The following DPP8 variants were observed in gnomAD, a reference collection of about 807,000 sequenced individuals.
DPP8 encodes the protein dipeptidyl peptidase 8.
DPP8 carries 31 observed loss-of-function variants against 107.5 expected under a neutral mutation model. The observed-to-expected ratio is 0.29, with a 90% CI of 0.22 to 0.39. The LOEUF is 0.39. DPP8 is among the 10% of genes least tolerant of loss of function. The pLI is 1.00. For synonymous variants in DPP8, 381 were observed against 356.6 expected (o/e 1.07, Z -0.77); for missense variants, 842 against 1,076.1 (o/e 0.78, Z 3.04).
chr15:65,463,667 T>C (rs1356939658), intron 15 of DPP8, 94 bp downstream of exon 15: 2 of 1,118,642 alleles, frequency 1.8e-6, no homozygotes, highest in Non-Finnish European at 2.5e-6. Flanking sequence ...CCAACAATGC[T>C]CAAAATCTTA....
chr15:65,497,223 T>C (rs1364560370), intron 5 of DPP8, among the ~76,000 whole-genome samples: 10 of 151,864 alleles, frequency 6.6e-5, no homozygotes, highest in Admixed American at 6.6e-4. Context: ...TAATTGGTTT[T>C]TCTATCTGTT....
At chr15:65,508,159 G>C (rs1375532182) in intron 2 of DPP8, among the ~76,000 whole-genome samples, 4 of 151,994 alleles carry the variant, frequency 2.6e-5, no homozygotes, top group African/African-American at 9.6e-5. Flanking sequence ...AGAATTGCTT[G>C]AACCCAGGAG....
chr15:65,517,185 G>A (rs541373106), intron 1 of DPP8: 2 of 152,442 alleles, frequency 1.3e-5, no homozygotes, highest in Admixed American at 1.3e-4. Flanking sequence ...ACCCCAGCGA[G>A]ACTCAATTAA....
chr15:65,474,068 C>T (rs992100091), intron 12 of DPP8, 141 bp downstream of exon 12: 6 of 632,852 alleles, frequency 9.5e-6, no homozygotes, highest in Admixed American at 4.8e-5. Flanking sequence ...CACCCCATTG[C>T]ACTCCAGCCC....
Position 65,454,293 on chromosome 15 carries a change from C to A in DPP8, c.2241G>T (p.Met747Ile), listed in dbSNP as rs2064220470. 2 of 1,571,482 alleles carry A rather than the reference C, an allele frequency of 1.3e-6. No homozygotes were observed. Among genetic ancestry groups the A allele is most frequent in the African/African-American group, 1.4e-5 (1 of 71,848 alleles). ...AGATATCTGACCTCTGCATTAATGC[C>A]ATCAGGGAGAGGTATCCTCCATAGG... ...GWSYGGYLSLMALMQRSDIFR... is the reference protein window; with the variant it reads ...GWSYGGYLSLIALMQRSDIFR... The change falls in exon 17 of 20, where the codon ATG (methionine) becomes ATT (isoleucine). Residue 747 changes from methionine to isoleucine, a missense_variant. Transcript: ENST00000300141.
intron 8 of DPP8, among the ~76,000 whole-genome samples, chr15:65,483,584 A>AAAAAT (rs1361721154): frequency 1.1e-4 from 13 of 117,726 alleles, no homozygotes; most frequent in African/African-American, 5.0e-4. Context: ...CTTTTCTTCA[A>AAAAAT]ACAATAAAAT....
At chr15:65,454,460 G>T in intron 16 of DPP8, 45 bp from the exon 17 acceptor site, 10 of 1,527,478 alleles carry the variant, frequency 6.5e-6, no homozygotes, top group Non-Finnish European at 8.8e-6. Context: ...ATGAATAAAA[G>T]TCTCGTAAGA....
chr15:65,506,409 C>T (rs576752626), intron 3 of DPP8, among the ~76,000 whole-genome samples: 3 of 151,880 alleles, frequency 2.0e-5, no homozygotes, highest in South Asian at 4.2e-4. Flanking sequence ...ACGATTGTAC[C>T]GAAACATTAT....
chr15:65,492,260 T>TGAGTCTGGGAGAAGGAGGATGCG (rs1403033303), intron 5 of DPP8, among the ~76,000 whole-genome samples: 2 of 151,940 alleles, frequency 1.3e-5, no homozygotes, highest in African/African-American at 4.8e-5. Flanking sequence ...GAGAATCACT[T>TGAGTCTGGGAGAAGGAGGATGCG]GAGTCTGGGA....
intron 14 of DPP8, 68 bp from the exon 15 acceptor site, chr15:65,463,974 G>C: frequency 8.0e-7 from 1 of 1,247,232 alleles, no homozygotes; most frequent in Non-Finnish European, 1.1e-6. Flanking sequence ...CTGGGAACAA[G>C]AAACAAGATA....
intron 9 of DPP8, 153 bp downstream of exon 9, chr15:65,481,361 CT>C (rs1030893484): frequency 3.2e-5 from 5 of 157,856 alleles, no homozygotes; most frequent in African/African-American, 1.2e-4. Context: ...CACAAATCCA[CT>C]TAATTCAAGA....
chr15:65,445,412 T>G lies in DPP8; in HGVS notation c.*1472A>C, dbSNP rs571559835. 6.5e-6 allele frequency: 1 copy of G among 152,850 alleles called. No homozygotes were observed. The highest frequency in any genetic ancestry group is 2.1e-4 in the South Asian group (1 of 4,826). The allele number at this position is 152,850 out of a possible 1,614,324, so 9.5% of individuals were successfully genotyped here. Reference sequence around the variant, plus strand: ...GCCACTGGTGTCAATGTGACCAATCTAGCACCCCAAGACTCTAACAGGGCA... The same window carrying G: ...GCCACTGGTGTCAATGTGACCAATCGAGCACCCCAAGACTCTAACAGGGCA... On this transcript the variant is annotated 3_prime_UTR_variant, in exon 20 of 20. Coordinates refer to ENST00000300141, the MANE Select transcript of DPP8 (RefSeq NM_130434.5).
At position 65,443,963 on chromosome 15, in the gene DPP8, C is replaced by T. The variant is rs1379612906; in HGVS notation, c.*2921G>A. 6.6e-6 allele frequency: 1 copy of T among 152,264 alleles called. No individual in the cohort carries two copies. The highest frequency in any genetic ancestry group is 1.5e-5 in the Non-Finnish European group (1 of 68,068). 9.4% of individuals were successfully genotyped at this position (152,264 alleles called of 1,614,324 possible). On this transcript the variant is annotated 3_prime_UTR_variant, in exon 20 of 20. Coordinates refer to ENST00000300141, the MANE Select transcript of DPP8 (RefSeq NM_130434.5). ...GCAGAATCTCACTCTGTCGCCCAGA[C>T]TGGACTACAGTGGCGCCATCTCGGC...
chr15:65,483,090 C>A (rs979102924), intron 8 of DPP8, among the ~76,000 whole-genome samples: 2 of 151,436 alleles, frequency 1.3e-5, no homozygotes, highest in African/African-American at 2.4e-5. Flanking sequence ...CAGCAAGACT[C>A]CATCTCAAAA....
At chr15:65,506,346 A>C (rs1677543298) in intron 3 of DPP8, among the ~76,000 whole-genome samples, 2 of 152,136 alleles carry the variant, frequency 1.3e-5, no homozygotes, top group South Asian at 4.1e-4. Context: ...AAATGATAAT[A>C]ATAAATAAAT....
At chr15:65,510,278 T>C (rs1261612595) in intron 2 of DPP8, among the ~76,000 whole-genome samples, 1 of 152,106 alleles carries the variant, frequency 6.6e-6, no homozygotes, top group African/African-American at 2.4e-5. Flanking sequence ...ATCATGCCAC[T>C]GTACTCCAGC....
intron 12 of DPP8, among the ~76,000 whole-genome samples, chr15:65,467,859 A>G (rs1181107988): frequency 2.6e-5 from 4 of 152,188 alleles, no homozygotes; most frequent in African/African-American, 4.8e-5. Flanking sequence ...GCTTAGGGCA[A>G]TCATTCATAC....
At chr15:65,485,783 C>A (rs1057316866) in intron 7 of DPP8, among the ~76,000 whole-genome samples, 15 of 151,790 alleles carry the variant, frequency 9.9e-5, no homozygotes, top group African/African-American at 3.6e-4. Context: ...CATGGTAAAA[C>A]CCCATATCTA....
At chr15:65,479,843 T>A (rs2066741476) in intron 10 of DPP8, among the ~76,000 whole-genome samples, 1 of 99,286 alleles carries the variant, frequency 1.0e-5, no homozygotes. Flanking sequence ...AGAGCGAGAC[T>A]CCGTCTCAAA....
Sources: gnomAD v4.1 joint callset for allele counts (sites outside exome capture counted in the v4.1 genomes callset) on GRCh38, gnomAD v4.1.1 for gene constraint, MANE v1.5 for transcripts, NCBI Gene and HGNC (gene_info 2026-07-23, HGNC 2026-07-21) for gene names.